The following C8orf34 variants were observed in gnomAD, a reference collection of about 807,000 sequenced individuals.
C8orf34 encodes the protein chromosome 8 open reading frame 34, also known as uncharacterized protein C8orf34.
Under a neutral mutation model 68.3 loss-of-function variants are expected in C8orf34, and 65 were observed. That is an observed-to-expected ratio of 0.95 (90% CI 0.78 to 1.17). The LOEUF (loss-of-function observed/expected upper bound fraction) is 1.17, where lower values mean the gene tolerates loss of function less well. Among genes scored for constraint, C8orf34 ranks in the 50% most tolerant of loss-of-function variants. C8orf34 has a pLI of 0.00. For missense variants in C8orf34, 664 were observed against 655.4 expected (o/e 1.01, Z -0.14); for synonymous variants, 244 against 241.2 (o/e 1.01, Z -0.11).
At chr8:68,616,974 G>A (rs934082465) in intron 7 of C8orf34, among the ~76,000 whole-genome samples, 7 of 152,168 alleles carry the variant, frequency 4.6e-5, no homozygotes, top group Non-Finnish European at 8.8e-5. Context: ...GGGTGTTCCT[G>A]TATTGGGTGC....
intron 1 of C8orf34, among the ~76,000 whole-genome samples, chr8:68,385,274 C>G (rs1808212541): frequency 6.6e-6 from 1 of 152,114 alleles, no homozygotes. Context: ...TGTCCAAGGT[C>G]ACACACCAAA....
chr8:68,469,102 A>G (rs1246736616), intron 4 of C8orf34, among the ~76,000 whole-genome samples: 2 of 152,144 alleles, frequency 1.3e-5, no homozygotes, highest in African/African-American at 4.8e-5. Context: ...ATATGTGCCT[A>G]ATAGTAGCTT....
At chr8:68,794,111 G>C (rs1395291337) in intron 12 of C8orf34, among the ~76,000 whole-genome samples, 1 of 151,942 alleles carries the variant, frequency 6.6e-6, no homozygotes, top group Non-Finnish European at 1.5e-5. Flanking sequence ...GAAATTATTG[G>C]AACCAGAAGT....
intron 12 of C8orf34, among the ~76,000 whole-genome samples, chr8:68,811,825 A>G (rs1824659619): frequency 6.6e-6 from 1 of 152,228 alleles, no homozygotes; most frequent in Non-Finnish European, 1.5e-5. Flanking sequence ...TATTATTAAT[A>G]TGATTTTACA....
At chr8:68,585,975 A>G (rs1296063816) in intron 7 of C8orf34, among the ~76,000 whole-genome samples, 1 of 152,092 alleles carries the variant, frequency 6.6e-6, no homozygotes, top group Non-Finnish European at 1.5e-5. Context: ...TGGGGATTAC[A>G]TGGGAGTGTA....
chr8:68,745,140 C>G (rs561619263), intron 10 of C8orf34, among the ~76,000 whole-genome samples: 1 of 152,022 alleles, frequency 6.6e-6, no homozygotes, highest in Non-Finnish European at 1.5e-5. Flanking sequence ...AACTAAGCTT[C>G]ATAAGTGAAG....
chr8:68,419,207 G>A (rs1277853245), intron 1 of C8orf34, among the ~76,000 whole-genome samples: 1 of 151,182 alleles, frequency 6.6e-6, no homozygotes, highest in Non-Finnish European at 1.5e-5. Flanking sequence ...CATTTATGCA[G>A]CCAAAAAACA....
intron 6 of C8orf34, among the ~76,000 whole-genome samples, chr8:68,522,971 T>C (rs1474852221): frequency 1.3e-5 from 2 of 152,196 alleles, no homozygotes; most frequent in Non-Finnish European, 2.9e-5. Context: ...TTTTCTACAA[T>C]GTAATAGCTT....
At chr8:68,644,912 G>A (rs1053449525) in intron 8 of C8orf34, among the ~76,000 whole-genome samples, 5 of 152,190 alleles carry the variant, frequency 3.3e-5, no homozygotes, top group Admixed American at 1.3e-4. Context: ...TGGGGAAGAC[G>A]CAGATGAGAG....
chr8:68,543,317 T>C (rs1302005165), intron 7 of C8orf34, among the ~76,000 whole-genome samples: 1 of 152,138 alleles, frequency 6.6e-6, no homozygotes, highest in Non-Finnish European at 1.5e-5. Flanking sequence ...TAAATAATAT[T>C]AATTTTGATT....
chr8:68,651,237 G>A (rs1004119863), intron 8 of C8orf34, among the ~76,000 whole-genome samples: 1 of 152,162 alleles, frequency 6.6e-6, no homozygotes, highest in Non-Finnish European at 1.5e-5. Flanking sequence ...GGAAATGGAT[G>A]ATGTGAGAGG....
chr8:68,454,444 T>C (rs1275264129), intron 3 of C8orf34, among the ~76,000 whole-genome samples: 7 of 152,062 alleles, frequency 4.6e-5, no homozygotes, highest in African/African-American at 1.7e-4. Context: ...AAATCTTTAC[T>C]TGTTATAAGT....
At chr8:68,771,260 T>C (rs2129528372) in intron 10 of C8orf34, among the ~76,000 whole-genome samples, 1 of 152,314 alleles carries the variant, frequency 6.6e-6, no homozygotes, top group African/African-American at 2.4e-5. Flanking sequence ...CACTGCCTGT[T>C]CTTTTGGACA....
chr8:68,460,803 C>T (rs570576969), intron 3 of C8orf34, among the ~76,000 whole-genome samples: 2 of 151,874 alleles, frequency 1.3e-5, no homozygotes, highest in African/African-American at 2.4e-5. Flanking sequence ...ACATCACCAT[C>T]ATCAAAGACC....
At chr8:68,762,760 A>G (rs1823056616) in intron 10 of C8orf34, among the ~76,000 whole-genome samples, 1 of 152,220 alleles carries the variant, frequency 6.6e-6, no homozygotes, top group Admixed American at 6.5e-5. Context: ...TCAGGGTCTC[A>G]AAGTAAGCTT....
chr8:68,597,521 G>T (rs1162234487), intron 7 of C8orf34, among the ~76,000 whole-genome samples: 1 of 151,744 alleles, frequency 6.6e-6, no homozygotes, highest in Non-Finnish European at 1.5e-5. Flanking sequence ...AAAATTAGAG[G>T]AACTTAAATA....
At chr8:68,422,010 A>T (rs1279429882) in intron 1 of C8orf34, among the ~76,000 whole-genome samples, 1 of 152,120 alleles carries the variant, frequency 6.6e-6, no homozygotes, top group Non-Finnish European at 1.5e-5. Context: ...CACCCCCATG[A>T]CCTGATTACC....
At chr8:68,803,232 T>C (rs945734169) in intron 12 of C8orf34, among the ~76,000 whole-genome samples, 1 of 152,078 alleles carries the variant, frequency 6.6e-6, no homozygotes, top group Non-Finnish European at 1.5e-5. Context: ...AATTGACTTA[T>C]GAACATAGAT....
chr8:68,523,923 A>AT (rs1475206879), intron 6 of C8orf34, among the ~76,000 whole-genome samples: 5 of 152,016 alleles, frequency 3.3e-5, no homozygotes, highest in Non-Finnish European at 7.4e-5. Context: ...GACTCCATCC[A>AT]TTTTTCACCT....
Sources: allele counts gnomAD v4.1 joint callset (sites outside exome capture counted in the v4.1 genomes callset), GRCh38; gene constraint gnomAD v4.1.1; transcripts MANE v1.5; gene names NCBI Gene and HGNC (gene_info 2026-07-23, HGNC 2026-07-21).